ERCC6: variants seen among roughly 807,000 people sequenced by gnomAD.
ERCC6 encodes the protein ERCC excision repair 6, chromatin remodeling factor.
Under a neutral mutation model 158.7 loss-of-function variants are expected in ERCC6, and 116 were observed. The observed-to-expected ratio is 0.73, with a 90% CI of 0.63 to 0.85. The LOEUF (loss-of-function observed/expected upper bound fraction) is 0.85, where lower values mean the gene tolerates loss of function less well. Among genes scored for constraint, ERCC6 ranks in the 40% least tolerant of loss-of-function variants. The pLI is 0.00. For missense variants in ERCC6, 1,698 were observed against 1,799.4 expected (o/e 0.94, Z 1.02); for synonymous variants, 678 against 659.3 (o/e 1.03, Z -0.43).
At position 49,470,324 on chromosome 10, in the gene ERCC6, G is replaced by A. The variant is rs886047033; in HGVS notation, c.3636C>T (p.Cys1212=). The change falls in exon 18 of 21, where the codon TGC becomes TGT. Residue 1212 remains cysteine, a synonymous_variant. Coordinates refer to ENST00000355832, the MANE Select transcript of ERCC6 (RefSeq NM_000124.4). Reference sequence around the variant, plus strand: ...GAGTTCCTTCAAACTTGGCGTCTCTGCAATGCTTAGAGTTCTTAGGCTTTT... The same window carrying A: ...GAGTTCCTTCAAACTTGGCGTCTCTACAATGCTTAGAGTTCTTAGGCTTTT... The part of the protein sequence containing the change: ...PKQKPKNSKH[C]RDAKFEGTRI... 1.2e-6 allele frequency: 2 copies of A among 1,614,134 alleles called. No homozygotes were observed. Among genetic ancestry groups the A allele is most frequent in the Non-Finnish European group, 1.7e-6 (2 of 1,180,044 alleles).
chr10:49,465,186 G>T (rs1008275908), intron 18 of ERCC6, among the ~76,000 whole-genome samples: 1 of 152,250 alleles, frequency 6.6e-6, no homozygotes, highest in African/African-American at 2.4e-5. Flanking sequence ...TGACCTGGAT[G>T]CGAGACAAGG....
intron 4 of ERCC6, chr10:49,525,349 C>G (rs2132623561): frequency 6.2e-6 from 1 of 160,566 alleles, no homozygotes; most frequent in Admixed American, 5.9e-5. Flanking sequence ...TGCATTTGCC[C>G]TTTTTCAAGT....
chr10:49,478,235 T>G (rs887448064), intron 11 of ERCC6, 119 bp downstream of exon 11: 20 of 834,982 alleles, frequency 2.4e-5, no homozygotes, highest in Non-Finnish European at 3.8e-5. Flanking sequence ...GGGCCTAGCC[T>G]GCCCACAGTT....
chr10:49,500,975 A>T, intron 6 of ERCC6: 1 of 379,264 alleles, frequency 2.6e-6, no homozygotes. Flanking sequence ...TCTTTTCAAC[A>T]TTAGAAATAG....
chr10:49,477,347 T>C (rs1434972161), intron 11 of ERCC6, among the ~76,000 whole-genome samples: 2 of 152,108 alleles, frequency 1.3e-5, no homozygotes, highest in Non-Finnish European at 2.9e-5. Context: ...CTCTGCACTG[T>C]ATCTGAAGAC....
At chr10:49,499,660 A>G (rs1319841998) in intron 7 of ERCC6, among the ~76,000 whole-genome samples, 1 of 152,198 alleles carries the variant, frequency 6.6e-6, no homozygotes, top group Non-Finnish European at 1.5e-5. Flanking sequence ...AATATCCTAC[A>G]TAATTTACCG....
intron 18 of ERCC6, among the ~76,000 whole-genome samples, chr10:49,466,967 G>A (rs1850687408): frequency 6.6e-6 from 1 of 152,064 alleles, no homozygotes; most frequent in Admixed American, 6.5e-5. Flanking sequence ...TTTTTGTAGA[G>A]ATGGAGTTTC....
chr10:49,488,641 TC>T (rs751409094), intron 8 of ERCC6, among the ~76,000 whole-genome samples: 4 of 141,708 alleles, frequency 2.8e-5, no homozygotes, highest in Non-Finnish European at 6.3e-5. Context: ...GTGGCCTCTT[TC>T]TTTTTTTTTT....
rs539588684 is a variant in ERCC6 at position 49,455,139 on chromosome 10, T to C, written c.*3676A>G. Reference sequence around the variant, plus strand: ...AATATGCTAATTCTCCATATTTTTATGTAAGTTAAAAGACTCACAACCAAA... The same window carrying C: ...AATATGCTAATTCTCCATATTTTTACGTAAGTTAAAAGACTCACAACCAAA... On this transcript the variant is annotated 3_prime_UTR_variant, in exon 21 of 21. Coordinates refer to ENST00000355832, the MANE Select transcript of ERCC6 (RefSeq NM_000124.4). Among the ~76,000 whole-genome samples the C allele has an allele frequency of 5.9e-5, 9 of 152,162 alleles. No homozygotes were observed. The highest frequency in any genetic ancestry group is 1.2e-4 in the African/African-American group (5 of 41,448).
In ERCC6 at chr10:49,493,187, T is replaced by A; in HGVS notation, c.1751A>T (p.Glu584Val). 6.2e-7 allele frequency: 1 copy of A among 1,614,110 alleles called. No homozygotes were observed. The highest frequency in any genetic ancestry group is 1.1e-5 in the South Asian group (1 of 91,074). ...GAACGGAGGCCACCACGTGTGAAAT[T>A]CCTTCACCCACTGATGCATCACTGT... is the stretch of plus-strand genomic sequence containing the variant. ...PTTVMHQWVKEFHTWWPPFRV... is the reference protein window; with the variant it reads ...PTTVMHQWVKVFHTWWPPFRV... Residue 584 changes from glutamate (E) to valine (V), a missense_variant, in exon 8 of 21, where the codon GAA (glutamate) becomes GTA (valine). Coordinates refer to ENST00000355832, the MANE Select transcript of ERCC6 (RefSeq NM_000124.4).
chr10:49,493,473 TAAGAG>T (rs1203240978), intron 7 of ERCC6, among the ~76,000 whole-genome samples: 1 of 152,204 alleles, frequency 6.6e-6, no homozygotes, highest in Non-Finnish European at 1.5e-5. Context: ...ATGTAGGTGT[TAAGAG>T]AAAACACTTA....
chr10:49,445,029 AAAC>A, the ERCC6 span, among the ~76,000 whole-genome samples: 1 of 152,270 alleles, frequency 6.6e-6, no homozygotes, highest in Non-Finnish European at 1.5e-5. Context: ...GATTTAAAAA[AAAC>A]AACAACAAAA....
chr10:49,516,296 C>A, intron 5 of ERCC6: 1 of 1,614,112 alleles, frequency 6.2e-7, no homozygotes, highest in South Asian at 1.1e-5. Context: ...AATAAGGAAC[C>A]ATGAATTCAT....
intron 8 of ERCC6, among the ~76,000 whole-genome samples, chr10:49,484,224 T>C (rs1204864228): frequency 6.9e-6 from 1 of 144,770 alleles, no homozygotes; most frequent in South Asian, 2.1e-4. Context: ...AAGGCTACAG[T>C]GAGCAGTGAT....
At chr10:49,454,352 C>G (rs1850453648), downstream of ERCC6, among the ~76,000 whole-genome samples, 5 of 152,154 alleles carry the variant, frequency 3.3e-5, no homozygotes. Flanking sequence ...GGTACCATAC[C>G]TCTGGACAGG....
At chr10:49,477,161 A>T (rs190244863) in intron 11 of ERCC6, among the ~76,000 whole-genome samples, 6 of 152,204 alleles carry the variant, frequency 3.9e-5, no homozygotes, top group Admixed American at 2.0e-4. Context: ...CTCAACTTCT[A>T]CTTAAAAACA....
intron 4 of ERCC6, among the ~76,000 whole-genome samples, chr10:49,526,737 T>C (rs58711755): frequency 0.19 from 28,566 of 152,194 alleles, 3,141 homozygotes; most frequent in South Asian, 0.35. Flanking sequence ...GAAAGAGGGA[T>C]ACTTTCTGGG....
chr10:49,520,705 C>T (rs889225648), intron 5 of ERCC6, among the ~76,000 whole-genome samples: 2 of 152,152 alleles, frequency 1.3e-5, no homozygotes, highest in Non-Finnish European at 2.9e-5. Flanking sequence ...AACAGGGCCT[C>T]GGAGCCCCCT....
intron 18 of ERCC6, among the ~76,000 whole-genome samples, chr10:49,466,988 C>G (rs894653092): frequency 3.9e-5 from 6 of 152,138 alleles, no homozygotes; most frequent in Non-Finnish European, 8.8e-5. Flanking sequence ...ACCATGTTGT[C>G]CAGGTTGGTC....
Sources: allele counts gnomAD v4.1 joint callset (sites outside exome capture counted in the v4.1 genomes callset), GRCh38; gene constraint gnomAD v4.1.1; transcripts MANE v1.5; gene names NCBI Gene and HGNC (gene_info 2026-07-23, HGNC 2026-07-21).